SCN3A: variants seen among roughly 807,000 people sequenced by gnomAD.
SCN3A encodes sodium channel protein type 3 subunit alpha.
A neutral mutation model predicts 187.6 loss-of-function variants in SCN3A; 60 were observed. The ratio of observed to expected loss-of-function variants is 0.32; its 90% confidence interval spans 0.26 to 0.40. SCN3A has a LOEUF of 0.40. Among genes scored for constraint, SCN3A ranks in the 10% least tolerant of loss-of-function variants. SCN3A has a pLI of 1.00. For synonymous variants in SCN3A, 788 were observed against 829.2 expected (o/e 0.95, Z 0.85); for missense variants, 1,601 against 2,428.2 (o/e 0.66, Z 7.16).
Position 165,130,066 on chromosome 2 carries a change from G to A in SCN3A, c.2796C>T (p.Ser932=), listed in dbSNP as rs1257592729. The A allele has an allele frequency of 2.5e-6, 4 of 1,614,154 alleles. No individual in the cohort carries two copies. Among genetic ancestry groups the A allele is most frequent in the Admixed American group, 3.3e-5 (2 of 60,014 alleles). ...PRWHMNDFFH[S]FLIVFRVLCG... is the part of the protein sequence containing the mutation. Reference sequence around the variant, plus strand: ...ACAGCACGCGGAACACAATCAGGAAGGAGTGGAAGAAGTCGTTCATGTGCC... The same window carrying A: ...ACAGCACGCGGAACACAATCAGGAAAGAGTGGAAGAAGTCGTTCATGTGCC... Residue 932 remains serine (S), a synonymous_variant, in exon 17 of 28, where the codon TCC becomes TCT. Coordinates refer to ENST00000283254, the MANE Select transcript of SCN3A (RefSeq NM_006922.4).
chr2:165,096,419 C>T (rs1685367057), intron 24 of SCN3A, 48 bp downstream of exon 24: 1 of 1,448,522 alleles, frequency 6.9e-7, no homozygotes. Flanking sequence ...CACCAATATT[C>T]ACCATAAGAA....
At chr2:165,130,651 A>G (rs1345792995) in intron 16 of SCN3A, among the ~76,000 whole-genome samples, 1 of 152,170 alleles carries the variant, frequency 6.6e-6, no homozygotes, top group East Asian at 1.9e-4. Flanking sequence ...GTAAAAAGAA[A>G]TATTAAAAGT....
chr2:165,138,578 T>C (rs1687808872), intron 14 of SCN3A, among the ~76,000 whole-genome samples: 1 of 152,180 alleles, frequency 6.6e-6, no homozygotes, highest in South Asian at 2.1e-4. Context: ...TCAACATTAA[T>C]CTTGCACACA....
rs765498698 is a variant in SCN3A at position 165,097,506 on chromosome 2, C to T, written c.3985G>A (p.Val1329Ile). ...TTCATGATAGAGGGAATTGCTCCAA[C>T]AAGAGCATTCACAACCACCTAGAAG... ...EGMRVVVNAL[V>I]GAIPSIMNVL... Residue 1329 changes from valine (V) to isoleucine (I), a missense_variant, in exon 23 of 28, where the codon GTT becomes ATT. Val to Ile is a conservative substitution (Grantham distance 29, BLOSUM62 3). Around this residue, in one of 11 missense-constraint regions of SCN3A, gnomAD observed 320 missense variants for 623.2 expected, o/e 0.51. Transcript: ENST00000283254. 3 of 1,613,742 alleles carry T rather than the reference C, an allele frequency of 1.9e-6. No individual in the cohort carries two copies. The highest frequency in any genetic ancestry group is 1.3e-5 in the African/African-American group (1 of 74,896).
At chr2:165,124,538 A>G (rs1427777523) in intron 18 of SCN3A, among the ~76,000 whole-genome samples, 1 of 151,904 alleles carries the variant, frequency 6.6e-6, no homozygotes, top group Non-Finnish European at 1.5e-5. Flanking sequence ...GAGCTCCTCC[A>G]TTTTCAGGGA....
rs369020487 is a variant in SCN3A, at chr2:165,099,090, TG to T, written c.3966+1211del. On this transcript the variant is annotated intron_variant, in intron 22 of 27. Transcript: ENST00000283254. ...CAATGATTCTGGAGAGTCTGGAGAGTGGCTTAATTCTCCCTGATGGGTGAAC... is the reference window on the plus strand; with the variant it reads ...CAATGATTCTGGAGAGTCTGGAGAGTGCTTAATTCTCCCTGATGGGTGAAC... Among the ~76,000 whole-genome samples the T allele has an allele frequency of 1.6e-4, 25 of 152,022 alleles. No individual in the cohort carries two copies. In the East Asian group the frequency reaches 4.3e-3, roughly 26 times the overall value.
At chr2:165,146,469 A>T (rs1688340459) in intron 12 of SCN3A, among the ~76,000 whole-genome samples, 1 of 135,826 alleles carries the variant, frequency 7.4e-6, no homozygotes, top group Non-Finnish European at 1.6e-5. Flanking sequence ...TATATAGGTT[A>T]TATCAATATA....
At chr2:165,125,893 T>G (rs1041227661) in intron 18 of SCN3A, among the ~76,000 whole-genome samples, 3 of 152,154 alleles carry the variant, frequency 2.0e-5, no homozygotes, top group Admixed American at 6.5e-5. Flanking sequence ...TTGAACTCAC[T>G]TAGCAGACTT....
intron 22 of SCN3A, 72 bp downstream of exon 22, chr2:165,100,230 C>CACCCTT: frequency 6.7e-7 from 1 of 1,503,048 alleles, no homozygotes; most frequent in South Asian, 1.1e-5. Flanking sequence ...AAGAGTATGG[C>CACCCTT]ACCCTTTTCT....
At chr2:165,142,957 G>A (rs956014641) in intron 12 of SCN3A, among the ~76,000 whole-genome samples, 1 of 152,016 alleles carries the variant, frequency 6.6e-6, no homozygotes, top group Non-Finnish European at 1.5e-5. Context: ...TCACCATGAT[G>A]GTCAAGCTGG....
intron 18 of SCN3A, among the ~76,000 whole-genome samples, chr2:165,118,210 A>T (rs1448993432): frequency 6.6e-6 from 1 of 151,410 alleles, no homozygotes; most frequent in Non-Finnish European, 1.5e-5. Context: ...CAGTGATCAC[A>T]GTTCACCTCT....
intron 5 of SCN3A, among the ~76,000 whole-genome samples, chr2:165,168,174 C>T (rs541109467): frequency 6.6e-6 from 1 of 152,130 alleles, no homozygotes; most frequent in East Asian, 1.9e-4. Context: ...TTCCCCTAAG[C>T]CCTGTTATTT....
At chr2:165,116,905 C>T (rs1234231445) in intron 18 of SCN3A, among the ~76,000 whole-genome samples, 4 of 147,796 alleles carry the variant, frequency 2.7e-5, no homozygotes. Context: ...GCTAGGCCAT[C>T]ACTTTTGGCT....
At chr2:165,099,947 G>T (rs907592445) in intron 22 of SCN3A, among the ~76,000 whole-genome samples, 3 of 152,112 alleles carry the variant, frequency 2.0e-5, no homozygotes, top group Non-Finnish European at 4.4e-5. Context: ...TCAAACTATT[G>T]AGAGAAAGAA....
intron 2 of SCN3A, among the ~76,000 whole-genome samples, chr2:165,180,576 G>T (rs937821032): frequency 1.3e-5 from 2 of 152,050 alleles, no homozygotes; most frequent in African/African-American, 4.8e-5. Context: ...TTGAGCAGGT[G>T]GGGTGGGGGT....
chr2:165,106,729 C>T (rs558935753), intron 21 of SCN3A, among the ~76,000 whole-genome samples: 26 of 152,256 alleles, frequency 1.7e-4, no homozygotes, highest in East Asian at 7.7e-4. Context: ...CAAATGATAA[C>T]GCTTGTTTGC....
At chr2:165,117,953 G>A (rs1686452996) in intron 18 of SCN3A, among the ~76,000 whole-genome samples, 1 of 152,066 alleles carries the variant, frequency 6.6e-6, no homozygotes, top group South Asian at 2.1e-4. Flanking sequence ...TTCTGCAGGT[G>A]TCTTATGTTT....
At chr2:165,122,732 G>A (rs1686768868) in intron 18 of SCN3A, 1 of 152,168 alleles carries the variant, frequency 6.6e-6, no homozygotes, top group Admixed American at 6.5e-5. Flanking sequence ...GCCATGGCAG[G>A]GGAAGGAACA....
intron 4 of SCN3A, among the ~76,000 whole-genome samples, chr2:165,169,041 A>G (rs1489586481): frequency 6.6e-6 from 1 of 151,060 alleles, no homozygotes; most frequent in African/African-American, 2.4e-5. Flanking sequence ...ACTGAATTTA[A>G]TAGAAAAATG....
Sources: gnomAD v4.1 joint callset for allele counts (sites outside exome capture counted in the v4.1 genomes callset) on GRCh38, gnomAD v4.1.1 for gene constraint, gnomAD v4.1.1 regional missense constraint, MANE v1.5 for transcripts, NCBI Gene and HGNC (gene_info 2026-07-23, HGNC 2026-07-21) for gene names.